The following ANKRD24 variants were observed in gnomAD, a reference collection of about 807,000 sequenced individuals.
ANKRD24 encodes ankyrin repeat domain-containing protein 24.
ANKRD24 carries 109 observed loss-of-function variants against 127.8 expected under a neutral mutation model. The ratio of observed to expected loss-of-function variants is 0.85; its 90% CI spans 0.73 to 1.00. The LOEUF (loss-of-function observed/expected upper bound fraction) is 1.00. Ranked by LOEUF, ANKRD24 falls within the 50% of genes least tolerant of loss-of-function variation. ANKRD24 has a pLI of 0.00. For missense variants in ANKRD24, 1,648 were observed against 1,570.2 expected (o/e 1.05, Z -0.84); for synonymous variants, 743 against 671.1 (o/e 1.11, Z -1.66).
chr19:4,222,003 G>A (rs1277023788), intron 19 of ANKRD24, among the ~76,000 whole-genome samples: 2 of 152,190 alleles, frequency 1.3e-5, no homozygotes, highest in African/African-American at 2.4e-5. Flanking sequence ...CAGATCTATA[G>A]TAATAATAAG....
At chr19:4,186,616 C>G (rs765624617) in intron 2 of ANKRD24, among the ~76,000 whole-genome samples, 155 bp downstream of exon 2, 7 of 152,120 alleles carry the variant, frequency 4.6e-5, no homozygotes, top group Non-Finnish European at 7.4e-5. Flanking sequence ...CACTGCTCCC[C>G]GTACAAGCTT....
In ANKRD24 at chr19:4,209,919, G is replaced by T. The variant is rs188211014; in HGVS notation, c.871-139G>T. 2.2e-3 allele frequency: 1,165 copies of T among 533,318 alleles called. 15 individuals carry two copies. The African/African-American group carries it at 0.035, about 16-fold the overall frequency. The allele number at this position is 533,318 out of a possible 1,614,324, so 33.0% of individuals were successfully genotyped here. A position where few individuals can be genotyped will look rare whatever the true frequency, so the allele number is the denominator to read the frequency against. On this transcript the variant is annotated intron_variant, in intron 11 of 21. Coordinates refer to ENST00000318934, the MANE Select transcript of ANKRD24 (RefSeq NM_001393985.1). ...CTGCGCTTTGCTGGGATAAGTAAGCGGCAGGAGGCAGGGGCTGCTGGTTCC... is the reference window on the plus strand; with the variant it reads ...CTGCGCTTTGCTGGGATAAGTAAGCTGCAGGAGGCAGGGGCTGCTGGTTCC...
In ANKRD24 at chr19:4,215,985, G is replaced by A. The variant is rs774411031; in HGVS notation, c.1205G>A (p.Arg402Gln). ...QSRLSLLENERENTSYDVTTL... is the reference protein window; with the variant it reads ...QSRLSLLENEQENTSYDVTTL... ...TCTGCTCCCTCCCCCCAGAACGAGCGGGAGAATACTAGCTATGACGTAACC... is the reference window on the plus strand; with the variant it reads ...TCTGCTCCCTCCCCCCAGAACGAGCAGGAGAATACTAGCTATGACGTAACC... Residue 402 changes from arginine to glutamine, a missense_variant, in exon 16 of 22, where the codon CGG (arginine) becomes CAG (glutamine). Coordinates refer to ENST00000318934, the MANE Select transcript of ANKRD24 (RefSeq NM_001393985.1). 4.4e-6 allele frequency: 7 copies of A among 1,592,570 alleles called. No individual in the cohort carries two copies. Among genetic ancestry groups the A allele is most frequent in the South Asian group, 1.1e-5 (1 of 87,324 alleles).
intron 12 of ANKRD24, 22 bp from the exon 13 acceptor site, chr19:4,210,243 G>A: frequency 1.3e-6 from 2 of 1,567,340 alleles, no homozygotes; most frequent in Non-Finnish European, 8.7e-7. Context: ...CCATCTAAAG[G>A]CCGTGGTGGG....
At position 4,224,510 on chromosome 19, in the gene ANKRD24, G is replaced by A; in HGVS notation, c.*5G>A. ...CTCCAGGCTCAGGGCCGCTGAGAAA[G>A]GCCAGGCCCAGTGGCTACACTGACC... On this transcript the variant is annotated 3_prime_UTR_variant, in exon 22 of 22. Coordinates refer to ENST00000318934, the MANE Select transcript of ANKRD24 (RefSeq NM_001393985.1). The A allele has an allele frequency of 6.2e-7, 1 of 1,606,024 alleles. No individual in the cohort carries two copies. The highest frequency in any genetic ancestry group is 1.1e-5 in the South Asian group (1 of 89,418).
chr19:4,184,925 T>C (rs967554272), intron 1 of ANKRD24, among the ~76,000 whole-genome samples: 1 of 128,292 alleles, frequency 7.8e-6, no homozygotes, highest in African/African-American at 3.0e-5. Flanking sequence ...GATGGATGGA[T>C]GGAAGGATCC....
In ANKRD24 at chr19:4,212,631, G is replaced by A; in HGVS notation, c.1130G>A (p.Arg377Lys). The A allele has an allele frequency of 1.3e-6, 2 of 1,551,350 alleles. No homozygotes were observed. Among genetic ancestry groups the A allele is most frequent in the South Asian group, 1.2e-5 (1 of 84,026 alleles). Residue 377 changes from arginine (R) to lysine (K), a missense_variant, in exon 15 of 22, where the codon AGA (arginine) becomes AAA (lysine). Coordinates refer to ENST00000318934, the MANE Select transcript of ANKRD24 (RefSeq NM_001393985.1). ...VQELQQLLVE[R>K]QEEKESLGRE... Reference sequence around the variant, plus strand: ...GAGCTACAGCAGTTGCTGGTGGAGAGACAAGAGGAGAAGGAGAGCCTGGGA... The same window carrying A: ...GAGCTACAGCAGTTGCTGGTGGAGAAACAAGAGGAGAAGGAGAGCCTGGGA...
At chr19:4,219,396 G>T (rs897975850) in intron 18 of ANKRD24, among the ~76,000 whole-genome samples, 195 bp from the exon 19 acceptor site, 3 of 152,138 alleles carry the variant, frequency 2.0e-5, no homozygotes, top group Non-Finnish European at 4.4e-5. Context: ...AAGCCTGAAA[G>T]ATTGAGGCTA....
At position 4,224,566 on chromosome 19, in the gene ANKRD24, G is replaced by A; in HGVS notation, c.*61G>A. On this transcript the variant is annotated 3_prime_UTR_variant, in exon 22 of 22. Coordinates refer to ENST00000318934, the MANE Select transcript of ANKRD24 (RefSeq NM_001393985.1). Reference sequence around the variant, plus strand: ...CACGCAGGGACCTCACCCCCCTGCAGGCCCCTTGCAGACCGGCTTCACTTG... The same window carrying A: ...CACGCAGGGACCTCACCCCCCTGCAAGCCCCTTGCAGACCGGCTTCACTTG... 6.8e-7 allele frequency: 1 copy of A among 1,474,532 alleles called. No homozygotes were observed. The highest frequency in any genetic ancestry group is 9.3e-7 in the Non-Finnish European group (1 of 1,075,398). The allele number at this position is 1,474,532 out of a possible 1,614,324, so 91.3% of individuals were successfully genotyped here. A position where few individuals can be genotyped will look rare whatever the true frequency, so the allele number is the denominator to read the frequency against.
intron 7 of ANKRD24, 39 bp downstream of exon 7, chr19:4,202,965 G>A: frequency 6.6e-7 from 1 of 1,518,698 alleles, no homozygotes; most frequent in Non-Finnish European, 8.9e-7. Context: ...CCGAAGCCCA[G>A]AGGGTGCTAG....
chr19:4,224,732 T>TC lies in ANKRD24; in HGVS notation c.*232dup, dbSNP rs1051541401. On this transcript the variant is annotated 3_prime_UTR_variant, in exon 22 of 22. Transcript: ENST00000318934. Reference sequence around the variant, plus strand: ...TCTGGACCCGGGCCGTGACTGCCCCTCCCCCACCACCGGAGACTGTGATTC... The same window carrying TC: ...TCTGGACCCGGGCCGTGACTGCCCCTCCCCCCACCACCGGAGACTGTGATTC... The TC allele has an allele frequency of 8.9e-6, 5 of 562,632 alleles. No individual in the cohort carries two copies. The highest frequency in any genetic ancestry group is 7.6e-5 in the African/African-American group (4 of 52,864). 34.9% of individuals were successfully genotyped at this position (562,632 alleles called of 1,614,324 possible). A position where few individuals can be genotyped will look rare whatever the true frequency, so the allele number is the denominator to read the frequency against.
intron 13 of ANKRD24, among the ~76,000 whole-genome samples, 199 bp from the exon 14 acceptor site, chr19:4,212,276 T>C (rs1969783106): frequency 6.6e-6 from 1 of 152,152 alleles, no homozygotes; most frequent in East Asian, 1.9e-4. Flanking sequence ...AAATATTTAG[T>C]AATGAGTGAG....
rs1970142551 is a variant in ANKRD24 at position 4,217,156 on chromosome 19, G to A, written c.1996G>A (p.Val666Ile). The A allele has an allele frequency of 5.0e-6, 8 of 1,613,380 alleles. No homozygotes were observed. The highest frequency in any genetic ancestry group is 6.8e-6 in the Non-Finnish European group (8 of 1,179,674). ...GVGAGQAEPP[V>I]TGTTNMEATG... ...GGGTGCTGGGCAAGCAGAGCCCCCA[G>A]TCACAGGGACCACAAACATGGAGGC... is the stretch of plus-strand genomic sequence containing the variant. Residue 666 changes from valine (V) to isoleucine (I), a missense_variant, in exon 18 of 22, where the codon GTC becomes ATC. Coordinates refer to ENST00000318934, the MANE Select transcript of ANKRD24 (RefSeq NM_001393985.1).
At position 4,197,337 on chromosome 19, in the gene ANKRD24, C is replaced by A. The variant is rs542049013; in HGVS notation, c.37-2346C>A. Among the ~76,000 whole-genome samples the A allele has an allele frequency of 2.0e-3, 307 of 151,446 alleles. 1 individual carries two copies. The highest frequency in any genetic ancestry group is 6.9e-3 in the African/African-American group (284 of 41,316). On this transcript the variant is annotated intron_variant, in intron 2 of 21. Transcript: ENST00000318934. ...ATGAGTGAATGAATGAACGAATGGGCGTGCCAATGAATGAGCAAATGAGTG... is the reference window on the plus strand; with the variant it reads ...ATGAGTGAATGAATGAACGAATGGGAGTGCCAATGAATGAGCAAATGAGTG...
At chr19:4,184,058 A>C (rs1967903440) in intron 1 of ANKRD24, among the ~76,000 whole-genome samples, 2 of 152,178 alleles carry the variant, frequency 1.3e-5, no homozygotes, top group African/African-American at 4.8e-5. Flanking sequence ...CAGAAACTGA[A>C]ATCAGTCCAG....
intron 11 of ANKRD24, among the ~76,000 whole-genome samples, chr19:4,209,322 G>A (rs1568331201): frequency 1.3e-5 from 2 of 151,908 alleles, no homozygotes; most frequent in African/African-American, 4.8e-5. Context: ...TGGCCAGGCT[G>A]GTCTCAAACT....
intron 15 of ANKRD24, among the ~76,000 whole-genome samples, chr19:4,213,912 G>C (rs1254121871): frequency 6.6e-6 from 1 of 152,158 alleles, no homozygotes; most frequent in Non-Finnish European, 1.5e-5. Context: ...TGGGATTACA[G>C]GTATGAGCCA....
At chr19:4,184,463 C>G (rs1368865088) in intron 1 of ANKRD24, among the ~76,000 whole-genome samples, 2 of 152,244 alleles carry the variant, frequency 1.3e-5, no homozygotes, top group Non-Finnish European at 2.9e-5. Context: ...CACTCGTTCA[C>G]CCACGCACTT....
intron 7 of ANKRD24, among the ~76,000 whole-genome samples, chr19:4,204,764 C>T (rs959390433): frequency 6.6e-6 from 1 of 152,164 alleles, no homozygotes; most frequent in African/African-American, 2.4e-5. Flanking sequence ...GAATTCTCTG[C>T]AGTTGGAGTA....
Sources: allele counts gnomAD v4.1 joint callset (sites outside exome capture counted in the v4.1 genomes callset), GRCh38; gene constraint gnomAD v4.1.1; transcripts MANE v1.5; gene names NCBI Gene and HGNC (gene_info 2026-07-23, HGNC 2026-07-21).